Variants in RBFOX1 observed in about 807,000 individuals in gnomAD.
RBFOX1 encodes RNA binding protein fox-1 homolog 1.
A neutral mutation model predicts 57.7 loss-of-function variants in RBFOX1; 8 were observed. The observed-to-expected ratio is 0.14, with a 90% CI of 0.08 to 0.25. The LOEUF (loss-of-function observed/expected upper bound fraction) is 0.25. RBFOX1 is among the 10% of genes least tolerant of loss of function. RBFOX1 has a pLI of 1.00. For synonymous variants in RBFOX1, 326 were observed against 222.4 expected, an observed-to-expected ratio of 1.47 and a Z score of -4.15; for missense variants, 611 against 548.5, an observed-to-expected ratio of 1.11 and a Z score of -1.14.
At chr16:6,604,308 C>A (rs1235734030) in intron 2 of RBFOX1, among the ~76,000 whole-genome samples, 3 of 151,938 alleles carry the variant, frequency 2.0e-5, no homozygotes, top group Non-Finnish European at 2.9e-5. Context: ...TATTGTTGAT[C>A]TTGTTACACA....
At chr16:5,429,886 C>G (rs1278650856) in intron 1 of RBFOX1, among the ~76,000 whole-genome samples, 1 of 152,148 alleles carries the variant, frequency 6.6e-6, no homozygotes, top group Non-Finnish European at 1.5e-5. Flanking sequence ...AAATACCTGC[C>G]CTCCTGAAGC....
At chr16:5,415,676 T>C (rs374042705) in intron 1 of RBFOX1, among the ~76,000 whole-genome samples, 17 of 152,384 alleles carry the variant, frequency 1.1e-4, no homozygotes, top group African/African-American at 3.8e-4. Context: ...ATACTGGTTT[T>C]CTATTCACAG....
At chr16:6,512,161 G>A (rs2096267580) in intron 2 of RBFOX1, among the ~76,000 whole-genome samples, 1 of 151,056 alleles carries the variant, frequency 6.6e-6, no homozygotes, top group Non-Finnish European at 1.5e-5. Flanking sequence ...GTGCATGCCT[G>A]TGGTCCCACT....
rs549785244 is a variant in RBFOX1, at chr16:6,328,195, G to A, written c.-64+11138G>A. Among the ~76,000 whole-genome samples the A allele has an allele frequency of 9.9e-5, 15 of 152,194 alleles. No homozygotes were observed. The South Asian group carries it at 2.7e-3, about 27-fold the overall frequency. On this transcript the variant is annotated intron_variant, in intron 2 of 15. Transcript: ENST00000550418. ...CCTAAGGAAGGGAAAACAAAATATC[G>A]TATGTTCTGACTCATAAGTGGGAGC...
intron 2 of RBFOX1, among the ~76,000 whole-genome samples, chr16:6,552,246 A>T (rs1477949188): frequency 6.6e-6 from 1 of 152,192 alleles, no homozygotes; most frequent in Non-Finnish European, 1.5e-5. Context: ...TAATAATGAA[A>T]GTATTTGAAG....
chr16:5,431,131 C>T (rs575901804), intron 1 of RBFOX1, among the ~76,000 whole-genome samples: 4 of 152,120 alleles, frequency 2.6e-5, no homozygotes, highest in African/African-American at 9.7e-5. Flanking sequence ...TCCGCAGTCA[C>T]CCTGAGTGTG....
chr16:6,134,011 A>T (rs1218833793), intron 1 of RBFOX1, among the ~76,000 whole-genome samples: 2 of 151,702 alleles, frequency 1.3e-5, no homozygotes, highest in East Asian at 3.9e-4. Flanking sequence ...GTCTCGGTTC[A>T]GTGCAACCTC....
intron 4 of RBFOX1, among the ~76,000 whole-genome samples, chr16:7,457,620 T>G (rs2058775073): frequency 6.6e-6 from 1 of 152,178 alleles, no homozygotes; most frequent in African/African-American, 2.4e-5. Context: ...ATGTTCCTTG[T>G]GAAGTGTTTT....
Position 7,323,596 on chromosome 16 carries a change from C to T in RBFOX1, c.28-194551C>T, listed in dbSNP as rs188514678. Among the ~76,000 whole-genome samples the T allele has an allele frequency of 3.0e-3, 452 of 152,350 alleles. 1 individual carries two copies. The highest frequency in any genetic ancestry group is 0.01 in the African/African-American group (431 of 41,578). ...ATAGCTCTGTGTTTGACTAACTCTACGGCCTTGGCCAATTCACTTCCCCTC... is the reference window on the plus strand; with the variant it reads ...ATAGCTCTGTGTTTGACTAACTCTATGGCCTTGGCCAATTCACTTCCCCTC... On this transcript the variant is annotated intron_variant, in intron 4 of 15. Coordinates refer to ENST00000550418, the MANE Select transcript of RBFOX1 (RefSeq NM_018723.4).
At chr16:5,971,449 GT>G (rs915274351) in intron 4 of RBFOX1, among the ~76,000 whole-genome samples, 8 of 152,022 alleles carry the variant, frequency 5.3e-5, no homozygotes, top group African/African-American at 1.4e-4. Context: ...ATTTGTTTTT[GT>G]TTTTTTCCCC....
intron 1 of RBFOX1, among the ~76,000 whole-genome samples, chr16:5,262,130 A>C (rs56769592): frequency 0.31 from 46,523 of 152,060 alleles, 7,606 homozygotes; most frequent in South Asian, 0.44. Flanking sequence ...GTTAGCAGGG[A>C]AGGCTTAGTT....
intron 5 of RBFOX1, among the ~76,000 whole-genome samples, chr16:7,546,777 T>C (rs2084665846): frequency 2.0e-5 from 3 of 152,194 alleles, no homozygotes; most frequent in Non-Finnish European, 4.4e-5. Flanking sequence ...CATAGTTTAT[T>C]TAGCCAATCC....
intron 4 of RBFOX1, among the ~76,000 whole-genome samples, chr16:5,908,040 A>G (rs187325938): frequency 6.6e-6 from 1 of 150,410 alleles, no homozygotes; most frequent in Admixed American, 6.6e-5. Flanking sequence ...CATGAGCCAT[A>G]GCACCTGGTA....
chr16:5,300,047 A>G (rs1392511512), intron 1 of RBFOX1, among the ~76,000 whole-genome samples: 3 of 151,526 alleles, frequency 2.0e-5, no homozygotes, highest in Non-Finnish European at 4.4e-5. Flanking sequence ...TTGGGCATAT[A>G]TTGAGAAAAT....
rs77062458 is a variant in RBFOX1 at position 7,472,093 on chromosome 16, G to T, written c.28-46054G>T. Among the ~76,000 whole-genome samples, 1,512 of 152,192 alleles carry T rather than the reference G, an allele frequency of 9.9e-3. 33 individuals are homozygous for T. Among genetic ancestry groups the T allele is most frequent in the African/African-American group, 0.035 (1,453 of 41,512 alleles). On this transcript the variant is annotated intron_variant, in intron 4 of 15. Transcript: ENST00000550418. ...ATCTCTCCTTCAGCATATCCTGCCT[G>T]GTAGTTATCATTAAAAAATCGAAGA...
intron 14 of RBFOX1, chr16:7,693,220 C>T: frequency 1.0e-6 from 1 of 980,472 alleles, no homozygotes; most frequent in Non-Finnish European, 1.6e-6. Flanking sequence ...CACGCAGCAC[C>T]CTTCCCTCCC....
At chr16:6,109,982 C>T (rs1436727089) in intron 1 of RBFOX1, among the ~76,000 whole-genome samples, 1 of 152,010 alleles carries the variant, frequency 6.6e-6, no homozygotes, top group Non-Finnish European at 1.5e-5. Context: ...TATCTTGGGT[C>T]TCTAATAATT....
chr16:5,369,157 A>G (rs916660041), intron 1 of RBFOX1, among the ~76,000 whole-genome samples: 1 of 152,138 alleles, frequency 6.6e-6, no homozygotes, highest in African/African-American at 2.4e-5. Context: ...ATGTGCCACC[A>G]TGCCTGGCTA....
intron 3 of RBFOX1, among the ~76,000 whole-genome samples, chr16:6,911,576 C>G (rs939356758): frequency 6.6e-6 from 1 of 152,168 alleles, no homozygotes; most frequent in African/African-American, 2.4e-5. Context: ...CCCATAATGA[C>G]TTAATTTTGT....
Sources: gnomAD v4.1 joint callset for allele counts (sites outside exome capture counted in the v4.1 genomes callset) on GRCh38, gnomAD v4.1.1 for gene constraint, MANE v1.5 for transcripts, NCBI Gene and HGNC (gene_info 2026-07-23, HGNC 2026-07-21) for gene names.